Variants in GRID2 observed in about 807,000 individuals in gnomAD.
GRID2 encodes the protein glutamate receptor ionotropic, delta-2.
Under a neutral mutation model 114.8 loss-of-function variants are expected in GRID2, and 33 were observed. That is an observed-to-expected ratio of 0.29 (90% CI 0.22 to 0.38). The LOEUF (loss-of-function observed/expected upper bound fraction) is 0.38, where lower values mean the gene tolerates loss of function less well. Ranked by LOEUF, GRID2 falls within the 10% of genes least tolerant of loss-of-function variation. The pLI is 1.00. For missense variants in GRID2, 1,184 were observed against 1,257.7 expected (o/e 0.94, Z 0.89); for synonymous variants, 505 against 449.9 (o/e 1.12, Z -1.55).
At chr4:92,339,709 TTTA>T (rs1284807957) in intron 1 of GRID2, among the ~76,000 whole-genome samples, 1 of 152,170 alleles carries the variant, frequency 6.6e-6, no homozygotes, top group African/African-American at 2.4e-5. Flanking sequence ...ATGCTACCAC[TTTA>T]TTATTCTGTT....
At chr4:92,384,510 T>C (rs1729790750) in intron 1 of GRID2, among the ~76,000 whole-genome samples, 1 of 32,496 alleles carries the variant, frequency 3.1e-5, no homozygotes, top group Non-Finnish European at 4.9e-5. Flanking sequence ...ATATATTATA[T>C]ATAATATTAT....
intron 8 of GRID2, among the ~76,000 whole-genome samples, chr4:93,250,644 ATATATATATATTTTATATATT>A (rs961645051): frequency 4.9e-5 from 7 of 141,792 alleles, no homozygotes; most frequent in African/African-American, 2.0e-4. Context: ...CATTACATAT[ATATATATATATTTTATATATT>A]TATATATTTT....
chr4:92,895,750 T>C (rs374052291), intron 2 of GRID2, among the ~76,000 whole-genome samples: 8 of 152,112 alleles, frequency 5.3e-5, no homozygotes, highest in African/African-American at 1.7e-4. Context: ...TATATAAATT[T>C]CCTGTAAAGT....
intron 14 of GRID2, among the ~76,000 whole-genome samples, chr4:93,635,916 C>A (rs1436316655): frequency 6.6e-6 from 1 of 152,074 alleles, no homozygotes; most frequent in Non-Finnish European, 1.5e-5. Context: ...AAATTTTAAA[C>A]AATTATAAAC....
chr4:92,499,795 A>G (rs1456543769), intron 1 of GRID2, among the ~76,000 whole-genome samples: 2 of 152,110 alleles, frequency 1.3e-5, no homozygotes, highest in Non-Finnish European at 2.9e-5. Flanking sequence ...TTGTATATTT[A>G]GTAGACACAG....
intron 4 of GRID2, among the ~76,000 whole-genome samples, chr4:93,175,087 G>C (rs1739224615): frequency 6.6e-6 from 1 of 152,056 alleles, no homozygotes; most frequent in Non-Finnish European, 1.5e-5. Flanking sequence ...ATTCCTACTA[G>C]CAATATGTGG....
At chr4:93,461,808 C>T (rs1291435001) in intron 11 of GRID2, among the ~76,000 whole-genome samples, 1 of 152,064 alleles carries the variant, frequency 6.6e-6, no homozygotes, top group Non-Finnish European at 1.5e-5. Context: ...TTATGTCCTC[C>T]GTTATCTCCA....
chr4:92,328,729 T>G (rs1445275762), intron 1 of GRID2, among the ~76,000 whole-genome samples: 2 of 152,050 alleles, frequency 1.3e-5, no homozygotes, highest in African/African-American at 4.8e-5. Flanking sequence ...CATTATTTTG[T>G]TTTTGTTTCT....
At position 92,407,215 on chromosome 4, in the gene GRID2, C is replaced by T. The variant is rs74420121; in HGVS notation, c.88+102471C>T. ...AACACCTCCCACCAGGTCCCTTCCTCAACACCTGGGGATTACAGTTCAAGG... is the reference window on the plus strand; with the variant it reads ...AACACCTCCCACCAGGTCCCTTCCTTAACACCTGGGGATTACAGTTCAAGG... On this transcript the variant is annotated intron_variant, in intron 1 of 15. Transcript: ENST00000282020. Among the ~76,000 whole-genome samples the T allele has an allele frequency of 8.5e-4, 130 of 152,254 alleles. No homozygotes were observed. The East Asian group carries it at 0.021, about 24-fold the overall frequency.
chr4:92,920,316 G>A (rs1346096825), intron 2 of GRID2, among the ~76,000 whole-genome samples: 1 of 152,140 alleles, frequency 6.6e-6, no homozygotes, highest in Non-Finnish European at 1.5e-5. Context: ...GCCAGACTGT[G>A]TGTTTTAATT....
At chr4:93,403,255 G>C in intron 9 of GRID2, among the ~76,000 whole-genome samples, 1 of 152,076 alleles carries the variant, frequency 6.6e-6, no homozygotes, top group Non-Finnish European at 1.5e-5. Flanking sequence ...AATAAAATAT[G>C]ATAAGTGCCA....
Position 92,863,133 on chromosome 4 carries a change from G to A in GRID2, c.245-221862G>A, listed in dbSNP as rs148565692. On this transcript the variant is annotated intron_variant, in intron 2 of 15. Coordinates refer to ENST00000282020, the MANE Select transcript of GRID2 (RefSeq NM_001510.4). ...GAACTTTAGAGTTTTTCTGTCTGAT[G>A]AAAAAAGACTGAATTTTCATTTATC... Among the ~76,000 whole-genome samples, 898 of 152,138 alleles carry A rather than the reference G, an allele frequency of 5.9e-3. 15 individuals carry two copies. The highest frequency in any genetic ancestry group is 0.021 in the African/African-American group (852 of 41,536).
chr4:92,473,964 T>TGTTG (rs1722166688), intron 1 of GRID2, among the ~76,000 whole-genome samples: 1 of 144,358 alleles, frequency 6.9e-6, no homozygotes, highest in South Asian at 2.2e-4. Flanking sequence ...GTTATCTTGG[T>TGTTG]TGTGTGTGTG....
chr4:93,078,623 T>G (rs1349666376), intron 2 of GRID2, among the ~76,000 whole-genome samples: 1 of 148,674 alleles, frequency 6.7e-6, no homozygotes, highest in Non-Finnish European at 1.5e-5. Flanking sequence ...CATTGAAAAA[T>G]TATAAAGTAA....
chr4:92,782,157 C>T (rs1427592358), intron 2 of GRID2, among the ~76,000 whole-genome samples: 1 of 151,938 alleles, frequency 6.6e-6, no homozygotes, highest in Non-Finnish European at 1.5e-5. Flanking sequence ...TGGCTGTTGT[C>T]CTCAAAGGGC....
intron 8 of GRID2, among the ~76,000 whole-genome samples, chr4:93,245,318 A>G (rs1230017622): frequency 6.6e-6 from 1 of 152,088 alleles, no homozygotes; most frequent in South Asian, 2.1e-4. Context: ...TTTTTCTTCT[A>G]TTTACATGAA....
intron 2 of GRID2, among the ~76,000 whole-genome samples, chr4:93,030,988 A>G (rs1383179008): frequency 1.3e-5 from 2 of 151,304 alleles, no homozygotes; most frequent in Admixed American, 6.6e-5. Flanking sequence ...TTTAATGACT[A>G]TTAAAAAATC....
intron 2 of GRID2, among the ~76,000 whole-genome samples, chr4:92,717,764 C>T (rs975668236): frequency 1.8e-4 from 28 of 152,160 alleles, no homozygotes; most frequent in Admixed American, 1.8e-3. Flanking sequence ...ATTGAATAAC[C>T]ACTAATCAAG....
intron 10 of GRID2, among the ~76,000 whole-genome samples, chr4:93,448,806 CTT>C: frequency 9.1e-5 from 1 of 10,986 alleles, no homozygotes; most frequent in African/African-American, 3.9e-4. Flanking sequence ...CTTCCCTTCC[CTT>C]CCCTTCCCTT....
Sources: allele counts gnomAD v4.1 joint callset (sites outside exome capture counted in the v4.1 genomes callset), GRCh38; gene constraint gnomAD v4.1.1; transcripts MANE v1.5; gene names NCBI Gene and HGNC (gene_info 2026-07-23, HGNC 2026-07-21).